The following ORC3 variants were observed in gnomAD, a reference collection of about 807,000 sequenced individuals.
ORC3 encodes homolog of latheo, Drosophila.
ORC3 carries 78 observed loss-of-function variants against 100.7 expected under a neutral mutation model. The ratio of observed to expected loss-of-function variants is 0.77; its 90% CI spans 0.65 to 0.94. The LOEUF (loss-of-function observed/expected upper bound fraction) is 0.94. Among genes scored for constraint, ORC3 ranks in the 40% least tolerant of loss-of-function variants. The pLI, the probability that ORC3 is intolerant of heterozygous loss-of-function variation, is 0.00. For missense variants in ORC3, 789 were observed against 823.9 expected, an observed-to-expected ratio of 0.96 and a Z score of 0.52; for synonymous variants, 295 against 289.3, an observed-to-expected ratio of 1.02 and a Z score of -0.20.
At chr6:87,591,451 G>C (rs1276213401) in intron 1 of ORC3, among the ~76,000 whole-genome samples, 2 of 152,206 alleles carry the variant, frequency 1.3e-5, no homozygotes, top group Non-Finnish European at 2.9e-5. Flanking sequence ...TGGGGTTTAA[G>C]GTTATGCTAG....
At chr6:87,597,803 C>T (rs531835718) in intron 2 of ORC3, among the ~76,000 whole-genome samples, 1 of 151,986 alleles carries the variant, frequency 6.6e-6, no homozygotes, top group South Asian at 2.1e-4. Flanking sequence ...ATCCTCCCAC[C>T]TTGGCCTCCC....
chr6:87,600,181 A>G (rs1777788887), intron 2 of ORC3, among the ~76,000 whole-genome samples: 1 of 152,202 alleles, frequency 6.6e-6, no homozygotes, highest in South Asian at 2.1e-4. Flanking sequence ...TTATATTCCA[A>G]ACTATCAGTT....
intron 3 of ORC3, among the ~76,000 whole-genome samples, chr6:87,602,954 A>AATATATATATATATATATATT (rs397935596): frequency 2.1e-5 from 2 of 95,300 alleles, no homozygotes; most frequent in African/African-American, 8.4e-5. Context: ...ACACATATAT[A>AATATATATATATATATATATT]ATATATATAT....
chr6:87,607,009 T>C (rs946568271), intron 5 of ORC3, among the ~76,000 whole-genome samples: 4 of 152,246 alleles, frequency 2.6e-5, no homozygotes, highest in African/African-American at 9.6e-5. Context: ...AAATAATTCA[T>C]ATGACACTTG....
intron 15 of ORC3, among the ~76,000 whole-genome samples, 192 bp from the exon 16 acceptor site, chr6:87,657,729 A>C (rs763356480): frequency 3.3e-5 from 5 of 152,196 alleles, no homozygotes; most frequent in Non-Finnish European, 5.9e-5. Context: ...ATAAAGCAAA[A>C]CACCTTTGAG....
intron 11 of ORC3, among the ~76,000 whole-genome samples, chr6:87,632,059 G>A (rs553526129): frequency 8.0e-4 from 121 of 152,180 alleles, no homozygotes; most frequent in South Asian, 2.3e-3. Flanking sequence ...AGCTACTCAG[G>A]AGGCTGAGGC....
At chr6:87,667,983 G>A (rs1582105803), downstream of ORC3, among the ~76,000 whole-genome samples, 1 of 151,850 alleles carries the variant, frequency 6.6e-6, no homozygotes, top group African/African-American at 2.4e-5. Context: ...ATTCTACTTC[G>A]GGATGACCTG....
At chr6:87,600,383 A>G (rs959230195) in intron 2 of ORC3, among the ~76,000 whole-genome samples, 1 of 152,226 alleles carries the variant, frequency 6.6e-6, no homozygotes, top group South Asian at 2.1e-4. Context: ...CATATTAAAG[A>G]TGGGATTTTT....
chr6:87,600,867 T>G (rs1428896126), intron 2 of ORC3, among the ~76,000 whole-genome samples: 1 of 152,224 alleles, frequency 6.6e-6, no homozygotes, highest in Non-Finnish European at 1.5e-5. Flanking sequence ...TTTTGTGACT[T>G]TAGTTTTTGT....
In ORC3 at chr6:87,648,202, A is replaced by G. The variant is rs180888413; in HGVS notation, c.1383-4914A>G. On this transcript the variant is annotated intron_variant, in intron 13 of 19. Transcript: ENST00000392844. ...GCAACAGAGCAAGACTCTGCCTCAA[A>G]AACAAAACAAAACAAAACAAAACAA... Among the ~76,000 whole-genome samples the G allele has an allele frequency of 2.3e-3, 345 of 149,212 alleles. 1 individual carries two copies. The highest frequency in any genetic ancestry group is 8.6e-3 in the African/African-American group (331 of 38,694).
At chr6:87,614,875 A>G (rs1422627995) in intron 8 of ORC3, among the ~76,000 whole-genome samples, 1 of 151,956 alleles carries the variant, frequency 6.6e-6, no homozygotes, top group Non-Finnish European at 1.5e-5. Context: ...ACTTTCCCAC[A>G]TTTTCCTGTC....
chr6:87,599,261 T>G (rs534410937), intron 2 of ORC3, among the ~76,000 whole-genome samples: 3 of 152,360 alleles, frequency 2.0e-5, no homozygotes, highest in Admixed American at 6.5e-5. Flanking sequence ...TTTGCCACTT[T>G]CATGTTATGC....
intron 2 of ORC3, among the ~76,000 whole-genome samples, chr6:87,599,148 G>C (rs1395103239): frequency 1.3e-5 from 2 of 152,170 alleles, no homozygotes; most frequent in Non-Finnish European, 2.9e-5. Context: ...AGAAGTCATG[G>C]TAACAGTTTA....
intron 2 of ORC3, among the ~76,000 whole-genome samples, chr6:87,596,906 A>T (rs986365501): frequency 6.6e-6 from 1 of 152,178 alleles, no homozygotes; most frequent in East Asian, 1.9e-4. Flanking sequence ...TTCCACCAGT[A>T]AGTACCCTAC....
intron 18 of ORC3, among the ~76,000 whole-genome samples, chr6:87,665,178 C>A (rs542977153): frequency 1.2e-4 from 18 of 152,224 alleles, no homozygotes; most frequent in African/African-American, 4.1e-4. Flanking sequence ...TAGGTCAGTT[C>A]TGTTATTTCA....
At chr6:87,660,383 G>A (rs1770089828) in intron 16 of ORC3, among the ~76,000 whole-genome samples, 1 of 152,226 alleles carries the variant, frequency 6.6e-6, no homozygotes, top group Non-Finnish European at 1.5e-5. Flanking sequence ...AGGCCAGAGA[G>A]GGGCTGTGAC....
intron 8 of ORC3, among the ~76,000 whole-genome samples, chr6:87,612,894 C>T (rs535661884): frequency 5.5e-4 from 84 of 152,292 alleles, no homozygotes; most frequent in African/African-American, 1.9e-3. Context: ...AGGCATGAGC[C>T]GCCACACCCA....
At chr6:87,676,903 T>C in the ORC3 span, among the ~76,000 whole-genome samples, 37 of 150,600 alleles carry the variant, frequency 2.5e-4, no homozygotes, top group South Asian at 2.3e-3. Context: ...GGTGAAACCC[T>C]GTCTCTACTA....
intron 13 of ORC3, among the ~76,000 whole-genome samples, chr6:87,644,538 T>A (rs1002403918): frequency 2.0e-5 from 3 of 151,690 alleles, no homozygotes; most frequent in Non-Finnish European, 4.4e-5. Flanking sequence ...CTGTCTGTAC[T>A]AAAAATACAA....
Sources: gnomAD v4.1 joint callset for allele counts (sites outside exome capture counted in the v4.1 genomes callset) on GRCh38, gnomAD v4.1.1 for gene constraint, MANE v1.5 for transcripts, NCBI Gene and HGNC (gene_info 2026-07-23, HGNC 2026-07-21) for gene names.